The following TRPC6 variants were observed in gnomAD, a reference collection of about 807,000 sequenced individuals.
TRPC6 encodes the protein transient receptor potential cation channel subfamily C member 6, also known as short transient receptor potential channel 6.
In TRPC6, 55 loss-of-function variants were observed where a neutral mutation model predicts 90.7. That is an observed-to-expected ratio of 0.61 (90% confidence interval 0.49 to 0.76). The LOEUF (loss-of-function observed/expected upper bound fraction) is 0.76, where lower values mean the gene tolerates loss of function less well. Ranked by LOEUF, TRPC6 falls within the 30% of genes least tolerant of loss-of-function variation. TRPC6 has a pLI of 0.00. For synonymous variants in TRPC6, 393 were observed against 393.0 expected (o/e 1.00, Z 0.00); for missense variants, 989 against 1,122.7 (o/e 0.88, Z 1.70).
intron 4 of TRPC6, among the ~76,000 whole-genome samples, chr11:101,485,278 G>GT (rs11325078): frequency 3.2e-4 from 47 of 146,702 alleles, no homozygotes; most frequent in Admixed American, 6.2e-4. Context: ...GAGTATTTTT[G>GT]TTTTTTTTTT....
chr11:101,453,744 A>G lies in TRPC6; in HGVS notation c.2569-19T>C, dbSNP rs199773381. ...TTATTTTCTAGAAAACAGAGAAAGG[A>G]GAAATCTATGTCAGTTTCAGGTTCA... is the stretch of plus-strand genomic sequence containing the variant. On this transcript the variant is annotated intron_variant, in intron 11 of 12. Transcript: ENST00000344327. 12 of 1,605,982 alleles carry G rather than the reference A, an allele frequency of 7.5e-6. No homozygotes were observed. The highest frequency in any genetic ancestry group is 9.4e-6 in the Non-Finnish European group (11 of 1,172,866).
At chr11:101,567,424 G>A (rs927008379) in intron 1 of TRPC6, among the ~76,000 whole-genome samples, 5 of 152,164 alleles carry the variant, frequency 3.3e-5, no homozygotes, top group African/African-American at 1.2e-4. Flanking sequence ...GGGAAGGGGT[G>A]GTTGTAGGCA....
At chr11:101,466,321 C>G (rs1273621069) in intron 10 of TRPC6, among the ~76,000 whole-genome samples, 4 of 152,302 alleles carry the variant, frequency 2.6e-5, no homozygotes, top group South Asian at 4.1e-4. Context: ...GCCCCTTCCC[C>G]CAGGTGCTCT....
intron 2 of TRPC6, among the ~76,000 whole-genome samples, chr11:101,503,489 T>G (rs193007828): frequency 7.4e-4 from 113 of 152,292 alleles, no homozygotes; most frequent in Non-Finnish European, 1.2e-3. Flanking sequence ...GTATGTTGCT[T>G]TTACCTCTAC....
At chr11:101,566,016 C>A (rs774056661) in intron 1 of TRPC6, among the ~76,000 whole-genome samples, 1 of 152,096 alleles carries the variant, frequency 6.6e-6, no homozygotes, top group Admixed American at 6.5e-5. Flanking sequence ...TAATATCTTT[C>A]GCCATAAGTT....
chr11:101,528,569 C>T (rs1860836423), intron 1 of TRPC6, among the ~76,000 whole-genome samples: 1 of 152,156 alleles, frequency 6.6e-6, no homozygotes, highest in South Asian at 2.1e-4. Flanking sequence ...ACATAATATG[C>T]ACTCAATAAA....
intron 3 of TRPC6, among the ~76,000 whole-genome samples, chr11:101,490,928 T>G (rs2136705896): frequency 6.6e-6 from 1 of 152,154 alleles, no homozygotes; most frequent in Non-Finnish European, 1.5e-5. Context: ...GAAAATGGAG[T>G]TGAGTCTCAA....
rs188926968 is a variant in TRPC6 at position 101,567,299 on chromosome 11, G to A, written c.170+16035C>T. 2.8e-3 allele frequency among the ~76,000 whole-genome samples: 425 copies of A among 152,170 alleles called. 2 individuals are homozygous for A. The highest frequency in any genetic ancestry group is 9.8e-3 in the African/African-American group (409 of 41,534). On this transcript the variant is annotated intron_variant, in intron 1 of 12. Transcript: ENST00000344327. ...CACCACAGCTCAGCAAAGCCCCTCAGGCCAGACTGCCTCTCTAGATTCCCT... is the reference window on the plus strand; with the variant it reads ...CACCACAGCTCAGCAAAGCCCCTCAAGCCAGACTGCCTCTCTAGATTCCCT...
intron 1 of TRPC6, among the ~76,000 whole-genome samples, chr11:101,564,480 C>G (rs894169566): frequency 6.6e-6 from 1 of 152,078 alleles, no homozygotes; most frequent in Non-Finnish European, 1.5e-5. Flanking sequence ...CTAGTTAATG[C>G]TCCAGTACAT....
At chr11:101,483,810 G>A (rs1046233715) in intron 4 of TRPC6, among the ~76,000 whole-genome samples, 1 of 152,178 alleles carries the variant, frequency 6.6e-6, no homozygotes, top group Non-Finnish European at 1.5e-5. Flanking sequence ...CATTAGCTGA[G>A]TGACAATGAG....
rs138709818 is a variant in TRPC6, at chr11:101,541,393, G to A, written c.171-36595C>T. On this transcript the variant is annotated intron_variant, in intron 1 of 12. Transcript: ENST00000344327. ...TGTTTTTGTTTTGAGACGGAGTTTC[G>A]CTCTTTCGCCCAGGCCGGAGTGCAG... Among the ~76,000 whole-genome samples, 1,217 of 152,110 alleles carry A rather than the reference G, an allele frequency of 8.0e-3. 16 individuals carry two copies. Among genetic ancestry groups the A allele is most frequent in the South Asian group, 0.017 (82 of 4,818 alleles).
At chr11:101,539,023 A>G (rs1861116540) in intron 1 of TRPC6, among the ~76,000 whole-genome samples, 1 of 152,220 alleles carries the variant, frequency 6.6e-6, no homozygotes, top group Non-Finnish European at 1.5e-5. Context: ...GCCCACCCAG[A>G]CTGCTAACCT....
At chr11:101,515,937 A>G (rs1159324822) in intron 1 of TRPC6, among the ~76,000 whole-genome samples, 2 of 152,270 alleles carry the variant, frequency 1.3e-5, no homozygotes, top group African/African-American at 4.8e-5. Flanking sequence ...CTATGACCAA[A>G]TAACTTTATA....
In TRPC6 at chr11:101,583,566, G is replaced by A; in HGVS notation, c.-63C>T. The A allele has an allele frequency of 2.9e-6, 4 of 1,400,634 alleles. No individual in the cohort carries two copies. Among genetic ancestry groups the A allele is most frequent in the Non-Finnish European group, 3.7e-6 (4 of 1,082,154 alleles). 86.8% of individuals were successfully genotyped at this position (1,400,634 alleles called of 1,614,324 possible). A position where few individuals can be genotyped will look rare whatever the true frequency, so the allele number is the denominator to read the frequency against. ...GGGAGCCGAGTGGGCAGTTCCAGCG[G>A]GGACCCGGTGCGGAGGGTTCGCGTC... On this transcript the variant is annotated 5_prime_UTR_variant, in exon 1 of 13. Coordinates refer to ENST00000344327, the MANE Select transcript of TRPC6 (RefSeq NM_004621.6).
rs1355322793 is a variant in TRPC6 at position 101,583,484 on chromosome 11, A to G, written c.20T>C (p.Phe7Ser). ...GGGAGAACTGCCCCTCCGGGGCCCGAACGCCGGGCTCTGGCTCATGGCGGG... is the reference window on the plus strand; with the variant it reads ...GGGAGAACTGCCCCTCCGGGGCCCGGACGCCGGGCTCTGGCTCATGGCGGG... MSQSPA[F>S]GPRRGSSPRG... The change falls in exon 1 of 13, where the codon TTC becomes TCC. Residue 7 changes from phenylalanine (F) to serine (S), a missense_variant. Physicochemically the swap from Phe to Ser is radical, Grantham distance 155 (BLOSUM62 -2). Around this residue, in one of 4 missense-constraint regions of TRPC6, gnomAD observed 194 missense variants for 136.5 expected, o/e 1.42. Transcript: ENST00000344327. 4.0e-6 allele frequency: 6 copies of G among 1,507,712 alleles called. No individual in the cohort carries two copies. Among genetic ancestry groups the G allele is most frequent in the Non-Finnish European group, 5.3e-6 (6 of 1,126,722 alleles). 93.4% of individuals were successfully genotyped at this position (1,507,712 alleles called of 1,614,324 possible).
At chr11:101,539,752 G>A (rs1280064811) in intron 1 of TRPC6, among the ~76,000 whole-genome samples, 1 of 152,074 alleles carries the variant, frequency 6.6e-6, no homozygotes, top group Non-Finnish European at 1.5e-5. Context: ...ATCTTCTAAT[G>A]GCAATTGTCT....
intron 1 of TRPC6, among the ~76,000 whole-genome samples, chr11:101,560,980 A>G (rs1432648563): frequency 1.3e-5 from 2 of 152,166 alleles, no homozygotes; most frequent in Non-Finnish European, 2.9e-5. Context: ...CATATAAAAG[A>G]GCATTCCAGT....
chr11:101,517,393 G>A (rs1860547391), intron 1 of TRPC6, among the ~76,000 whole-genome samples: 1 of 152,160 alleles, frequency 6.6e-6, no homozygotes, highest in African/African-American at 2.4e-5. Context: ...AGTCTTTACA[G>A]ATATAACTCA....
chr11:101,481,962 C>T (rs1382709860), intron 5 of TRPC6, among the ~76,000 whole-genome samples: 1 of 152,166 alleles, frequency 6.6e-6, no homozygotes, highest in Non-Finnish European at 1.5e-5. Flanking sequence ...CTCTAATGTT[C>T]CCATGCCATC....
Sources: gnomAD v4.1 joint callset for allele counts (sites outside exome capture counted in the v4.1 genomes callset) on GRCh38, gnomAD v4.1.1 for gene constraint, gnomAD v4.1.1 regional missense constraint, MANE v1.5 for transcripts, NCBI Gene and HGNC (gene_info 2026-07-23, HGNC 2026-07-21) for gene names.